DTNB: variants seen among roughly 807,000 people sequenced by gnomAD.
The protein encoded by DTNB is DTN-B.
In DTNB, 63 loss-of-function variants were observed where a neutral mutation model predicts 90.7. The observed-to-expected ratio is 0.69, with a 90% CI of 0.57 to 0.86. The LOEUF (loss-of-function observed/expected upper bound fraction) is 0.86. DTNB is among the 40% of genes least tolerant of loss of function. The pLI is 0.00. For missense variants in DTNB, 744 were observed against 807.1 expected (o/e 0.92, Z 0.95); for synonymous variants, 277 against 286.7 (o/e 0.97, Z 0.34).
chr2:25,383,950 G>A (rs1219045462), intron 18 of DTNB, 61 bp from the exon 19 acceptor site: 1 of 1,612,548 alleles, frequency 6.2e-7, no homozygotes, highest in African/African-American at 1.3e-5. Flanking sequence ...ACAGAAGGAG[G>A]GTGAACAAAG....
At chr2:25,572,775 C>T (rs1188198380) in intron 8 of DTNB, among the ~76,000 whole-genome samples, 3 of 151,700 alleles carry the variant, frequency 2.0e-5, no homozygotes, top group African/African-American at 7.3e-5. Context: ...GGCCTTTGAT[C>T]TATTTGTTTC....
intron 5 of DTNB, among the ~76,000 whole-genome samples, chr2:25,602,763 CCT>C (rs1009388307): frequency 4.6e-5 from 7 of 151,928 alleles, no homozygotes; most frequent in Non-Finnish European, 7.4e-5. Flanking sequence ...GAGAAAAACC[CCT>C]GTTATTATTT....
rs142585902 is a variant in DTNB, at chr2:25,610,434, T to C, written c.363-3113A>G. ...AAGTAATCTCTCTGGTTTTATATAA[T>C]TTTAAGCTCTAACCATGATCAACGA... On this transcript the variant is annotated intron_variant, in intron 4 of 20. Transcript: ENST00000406818. Among the ~76,000 whole-genome samples the C allele has an allele frequency of 6.2e-3, 952 of 152,336 alleles. 5 individuals are homozygous for C. The highest frequency in any genetic ancestry group is 0.022 in the African/African-American group (899 of 41,562).
At chr2:25,651,249 A>G (rs886996709) in intron 2 of DTNB, among the ~76,000 whole-genome samples, 1 of 152,254 alleles carries the variant, frequency 6.6e-6, no homozygotes, top group African/African-American at 2.4e-5. Flanking sequence ...TATGAAGTCA[A>G]TGCCATTCCT....
chr2:25,380,286 G>A (rs1388321163), intron 19 of DTNB, among the ~76,000 whole-genome samples: 5 of 152,220 alleles, frequency 3.3e-5, no homozygotes, highest in African/African-American at 1.2e-4. Context: ...CTGGTGTCCA[G>A]GTGACTGCAG....
chr2:25,593,660 A>G (rs916275844), intron 6 of DTNB, among the ~76,000 whole-genome samples: 2 of 152,220 alleles, frequency 1.3e-5, no homozygotes, highest in African/African-American at 4.8e-5. Context: ...CCTCACAATT[A>G]TGTATGTCAT....
At chr2:25,404,116 GTTC>G (rs1044300701) in intron 16 of DTNB, among the ~76,000 whole-genome samples, 6 of 152,314 alleles carry the variant, frequency 3.9e-5, no homozygotes, top group African/African-American at 1.4e-4. Flanking sequence ...GACACCTGTT[GTTC>G]TTCTACTTTG....
chr2:25,583,106 G>T (rs2061792580), intron 6 of DTNB, among the ~76,000 whole-genome samples: 1 of 151,928 alleles, frequency 6.6e-6, no homozygotes, highest in Non-Finnish European at 1.5e-5. Context: ...AATGATCTGG[G>T]TGTGGTGGCG....
intron 10 of DTNB, among the ~76,000 whole-genome samples, chr2:25,456,312 T>G (rs993018493): frequency 4.6e-5 from 7 of 152,186 alleles, no homozygotes; most frequent in African/African-American, 1.7e-4. Context: ...CCCCAGGCAA[T>G]TATTTCACCT....
intron 3 of DTNB, among the ~76,000 whole-genome samples, chr2:25,637,942 A>G (rs1461196203): frequency 6.6e-6 from 1 of 152,234 alleles, no homozygotes; most frequent in Non-Finnish European, 1.5e-5. Context: ...CACAACAGCA[A>G]AGACTTGGAA....
intron 2 of DTNB, among the ~76,000 whole-genome samples, chr2:25,646,950 G>T (rs952003500): frequency 6.6e-6 from 1 of 152,090 alleles, no homozygotes; most frequent in South Asian, 2.1e-4. Flanking sequence ...CATTAAAAAG[G>T]CTAGACAAAA....
intron 8 of DTNB, among the ~76,000 whole-genome samples, chr2:25,561,921 T>C (rs1184865733): frequency 6.6e-6 from 1 of 152,212 alleles, no homozygotes; most frequent in East Asian, 1.9e-4. Context: ...ATACTATTCA[T>C]ATGCCATAAA....
chr2:25,480,440 G>C (rs1409559154), intron 10 of DTNB, among the ~76,000 whole-genome samples: 1 of 152,142 alleles, frequency 6.6e-6, no homozygotes, highest in East Asian at 1.9e-4. Context: ...AAAATGACAG[G>C]TATCATTTTG....
intron 12 of DTNB, among the ~76,000 whole-genome samples, chr2:25,434,661 A>T (rs2055096649): frequency 6.6e-6 from 1 of 152,086 alleles, no homozygotes; most frequent in Non-Finnish European, 1.5e-5. Context: ...ACAAATGAAG[A>T]TGCTATGAAC....
chr2:25,610,835 G>A (rs2068433907), intron 4 of DTNB, among the ~76,000 whole-genome samples: 2 of 151,876 alleles, frequency 1.3e-5, no homozygotes, highest in South Asian at 2.1e-4. Context: ...TTAGCCTCCC[G>A]AGTAGCTGGG....
intron 16 of DTNB, 25 bp from the exon 17 acceptor site, chr2:25,388,386 C>T (rs1277849958): frequency 1.3e-6 from 2 of 1,583,774 alleles, no homozygotes; most frequent in Non-Finnish European, 1.7e-6. Context: ...ACAGAAAATA[C>T]GTTATCTCAA....
At chr2:25,405,229 GACTAA>G in intron 16 of DTNB, among the ~76,000 whole-genome samples, 2 of 152,084 alleles carry the variant, frequency 1.3e-5, no homozygotes, top group South Asian at 4.1e-4. Flanking sequence ...TGCCTGGCCC[GACTAA>G]CCACCATTAA....
chr2:25,526,368 T>TATATAA (rs1553487480), intron 9 of DTNB, among the ~76,000 whole-genome samples: 73 of 65,800 alleles, frequency 1.1e-3, no homozygotes, highest in East Asian at 2.0e-3. Context: ...TATAAATATA[T>TATATAA]ATATATATAT....
chr2:25,610,713 T>TC (rs1245429533), intron 4 of DTNB, among the ~76,000 whole-genome samples: 1 of 116,066 alleles, frequency 8.6e-6, no homozygotes, highest in African/African-American at 3.2e-5. Flanking sequence ...GTAACTTCTA[T>TC]CCTTTTTTTT....
Sources: allele counts gnomAD v4.1 joint callset (sites outside exome capture counted in the v4.1 genomes callset), GRCh38; gene constraint gnomAD v4.1.1; transcripts MANE v1.5; gene names NCBI Gene and HGNC (gene_info 2026-07-23, HGNC 2026-07-21).